Variants in PROM2 observed in about 807,000 individuals in gnomAD.
The protein encoded by PROM2 is prominin-2.
Under a neutral mutation model 110.2 loss-of-function variants are expected in PROM2, and 90 were observed. The ratio of observed to expected loss-of-function variants is 0.82; its 90% CI spans 0.69 to 0.97. The LOEUF is 0.97. Among genes scored for constraint, PROM2 ranks in the 50% least tolerant of loss-of-function variants. PROM2 has a pLI of 0.00. For synonymous variants in PROM2, 470 were observed against 467.8 expected (o/e 1.00, Z -0.06); for missense variants, 1,009 against 1,074.8 (o/e 0.94, Z 0.86).
At position 95,287,134 on chromosome 2, in the gene PROM2, T is replaced by C; in HGVS notation, c.2096T>C (p.Leu699Pro). Residue 699 changes from leucine to proline, a missense_variant and splice_region_variant, in exon 19 of 24, where the codon CTG becomes CCG. By Grantham distance (98) the Leu-to-Pro change is moderately conservative (BLOSUM62 -3). Transcript: ENST00000317620. ...ALESSAPNLQ[L>P]ETSDVLANVT... is the part of the protein sequence containing the mutation. ...AGTTGAGGCTCTCGTCCCCTCCAGC[T>C]GGAGACCTCAGATGTCCTAGCCAAT... The C allele has an allele frequency of 1.2e-6, 2 of 1,613,848 alleles. No homozygotes were observed. Among genetic ancestry groups the C allele is most frequent in the South Asian group, 2.2e-5 (2 of 91,072 alleles).
chr2:95,275,372 A>T lies in PROM2; in HGVS notation c.245-89A>T, dbSNP rs1434703766. 1 of 1,309,598 alleles carries T rather than the reference A, an allele frequency of 7.6e-7. No homozygotes were observed. The highest frequency in any genetic ancestry group is 1.1e-6 in the Non-Finnish European group (1 of 937,792). 81.1% of individuals were successfully genotyped at this position (1,309,598 alleles called of 1,614,324 possible). On this transcript the variant is annotated intron_variant, in intron 1 of 23. Coordinates refer to ENST00000317620, the MANE Select transcript of PROM2 (RefSeq NM_001165978.3). The surrounding 1 kb of genome is among the most constrained non-coding windows in gnomAD (Gnocchi z 4.4). Reference sequence around the variant, plus strand: ...GGTGGTGGCAGGAGCCCTGCCTCAGAGCCACTTTGCCCTGGCAGTGGGGAG... The same window carrying T: ...GGTGGTGGCAGGAGCCCTGCCTCAGTGCCACTTTGCCCTGGCAGTGGGGAG...
At chr2:95,287,357 T>C (rs1309114255) in intron 19 of PROM2, 39 bp from the exon 20 acceptor site, 1 of 1,611,524 alleles carries the variant, frequency 6.2e-7, no homozygotes, top group African/African-American at 1.3e-5. Context: ...CTGCTGCTTC[T>C]GGGACCCCTA....
intron 11 of PROM2, 44 bp from the exon 12 acceptor site, chr2:95,281,198 G>C: frequency 6.2e-7 from 1 of 1,601,606 alleles, no homozygotes; most frequent in Non-Finnish European, 8.5e-7. Context: ...GGTCAGGGCA[G>C]CCAGTCCCTG....
rs370354031 is a variant in PROM2 at position 95,275,405 on chromosome 2, A to T, written c.245-56A>T. The T allele has an allele frequency of 1.1e-4, 171 of 1,532,448 alleles. No individual in the cohort carries two copies. The highest frequency in any genetic ancestry group is 1.5e-4 in the Non-Finnish European group (167 of 1,124,340). The allele number at this position is 1,532,448 out of a possible 1,614,324, so 94.9% of individuals were successfully genotyped here. A position where few individuals can be genotyped will look rare whatever the true frequency, so the allele number is the denominator to read the frequency against. On this transcript the variant is annotated intron_variant, in intron 1 of 23. Coordinates refer to ENST00000317620, the MANE Select transcript of PROM2 (RefSeq NM_001165978.3). This position sits in a 1 kb window ranked among gnomAD's most constrained non-coding sequence, Gnocchi z 4.4. Reference sequence around the variant, plus strand: ...TGCCCTGGCAGTGGGGAGAGGAGGGACACAGGGGCAGGGCAGTGGCTGTCC... The same window carrying T: ...TGCCCTGGCAGTGGGGAGAGGAGGGTCACAGGGGCAGGGCAGTGGCTGTCC...
chr2:95,284,811 C>T (rs1677248729), intron 14 of PROM2, among the ~76,000 whole-genome samples, 158 bp from the exon 15 acceptor site: 4 of 152,232 alleles, frequency 2.6e-5, no homozygotes, highest in Non-Finnish European at 5.9e-5. Context: ...ACCAGGCCCA[C>T]CTTCACCCCC....
intron 11 of PROM2, 116 bp from the exon 12 acceptor site, chr2:95,281,124 GCT>G: frequency 7.3e-7 from 1 of 1,378,758 alleles, no homozygotes; most frequent in Non-Finnish European, 9.8e-7. Flanking sequence ...TCCTCTAAAG[GCT>G]CTGTGCTGGG....
intron 6 of PROM2, 45 bp from the exon 7 acceptor site, chr2:95,277,319 G>A: frequency 6.4e-7 from 1 of 1,554,532 alleles, no homozygotes; most frequent in Non-Finnish European, 8.7e-7. Context: ...GGCGTCTGGG[G>A]ATGCATATGG....
At position 95,274,614 on chromosome 2, in the gene PROM2, C is replaced by T. The variant is rs1462494395; in HGVS notation, c.29C>T (p.Pro10Leu). The change falls in exon 1 of 24, where the codon CCC (proline) becomes CTC (leucine). Residue 10 changes from proline to leucine, a missense_variant. By Grantham distance (98) the Pro-to-Leu change is moderately conservative (BLOSUM62 -3). Coordinates refer to ENST00000317620, the MANE Select transcript of PROM2 (RefSeq NM_001165978.3). Reference sequence around the variant, plus strand: ...AAGCACACACTGGCTCTGCTGGCTCCCCTGCTGGGCCTGGGCCTGGGGCTG... The same window carrying T: ...AAGCACACACTGGCTCTGCTGGCTCTCCTGCTGGGCCTGGGCCTGGGGCTG... MKHTLALLAPLLGLGLGLAL... is the reference protein window; with the variant it reads MKHTLALLALLLGLGLGLAL... 1.2e-6 allele frequency: 2 copies of T among 1,600,022 alleles called. No homozygotes were observed. The highest frequency in any genetic ancestry group is 1.7e-5 in the Admixed American group (1 of 59,278).
At position 95,276,441 on chromosome 2, in the gene PROM2, C is replaced by T. The variant is rs1676667312; in HGVS notation, c.618+94C>T. ...TGGGCCCTCGATGGCCCATAACCAG[C>T]GCATCTGAAAGCCGCCTCCTCTCCC... is the stretch of plus-strand genomic sequence containing the variant. On this transcript the variant is annotated intron_variant, in intron 4 of 23. Coordinates refer to ENST00000317620, the MANE Select transcript of PROM2 (RefSeq NM_001165978.3). The surrounding 1 kb of genome is among the most constrained non-coding windows in gnomAD (Gnocchi z 4.6). 1.1e-5 allele frequency: 18 copies of T among 1,591,620 alleles called. No homozygotes were observed. Among genetic ancestry groups the T allele is most frequent in the South Asian group, 3.4e-5 (3 of 88,216 alleles).
At chr2:95,278,125 C>T (rs1490008093) in intron 8 of PROM2, 121 bp downstream of exon 8, 2 of 789,614 alleles carry the variant, frequency 2.5e-6, no homozygotes, top group Non-Finnish European at 4.2e-6. Context: ...CCACACAGCA[C>T]CCTGGGCAGG....
chr2:95,280,949 G>A (rs1209047624), intron 11 of PROM2, among the ~76,000 whole-genome samples: 10 of 152,180 alleles, frequency 6.6e-5, no homozygotes, highest in South Asian at 2.1e-4. Flanking sequence ...GTGTGAGCCC[G>A]GATAGTCCTG....
At position 95,286,847 on chromosome 2, in the gene PROM2, C is replaced by G. The variant is rs757571776; in HGVS notation, c.2084C>G (p.Pro695Arg). The change falls in exon 18 of 24, where the codon CCG becomes CGG. Residue 695 changes from proline (P) to arginine (R), a missense_variant. Coordinates refer to ENST00000317620, the MANE Select transcript of PROM2 (RefSeq NM_001165978.3). ...GTCAGGGCCCTGGAGTCCTCTGCCC[C>G]GAATCTCCAGGTGGCTGCTGTTGGT... Reference protein sequence around the residue: ...LSVRALESSAPNLQLETSDVL... With the variant: ...LSVRALESSARNLQLETSDVL... 5 of 1,613,820 alleles carry G rather than the reference C, an allele frequency of 3.1e-6. No individual in the cohort carries two copies. The highest frequency in any genetic ancestry group is 1.3e-5 in the African/African-American group (1 of 75,008).
At position 95,275,470 on chromosome 2, in the gene PROM2, A is replaced by G. The variant is rs1676591468; in HGVS notation, c.254A>G (p.Lys85Arg). ...QLNPFPSELV[K>R]ALLNELASVK... ...TGGCTCTTTCCCATAGAGTTGGTAA[A>G]GGCCCTACTGAATGAGCTGGCCTCC... The change falls in exon 2 of 24, where the codon AAG becomes AGG. Residue 85 changes from lysine (K) to arginine (R), a missense_variant. Transcript: ENST00000317620. This position sits in a 1 kb window ranked among gnomAD's most constrained non-coding sequence, Gnocchi z 4.4. 2 of 1,613,326 alleles carry G rather than the reference A, an allele frequency of 1.2e-6. No individual in the cohort carries two copies. The highest frequency in any genetic ancestry group is 1.7e-6 in the Non-Finnish European group (2 of 1,179,582).
At position 95,274,746 on chromosome 2, in the gene PROM2, T is replaced by C; in HGVS notation, c.161T>C (p.Val54Ala). Residue 54 changes from valine (V) to alanine (A), a missense_variant, in exon 1 of 24, where the codon GTT becomes GCT. Coordinates refer to ENST00000317620, the MANE Select transcript of PROM2 (RefSeq NM_001165978.3). ...AARARWLAPR[V>A]RAPGLLDSLY... ...AGGGCCCGGTGGCTGGCCCCTCGAG[T>C]TCGTGCGCCAGGACTCCTGGACTCC... The C allele has an allele frequency of 1.2e-6, 2 of 1,610,788 alleles. No individual in the cohort carries two copies. The highest frequency in any genetic ancestry group is 1.7e-4 in the Middle Eastern group (1 of 6,056).
chr2:95,280,418 C>T (rs1676980833), intron 11 of PROM2, among the ~76,000 whole-genome samples: 1 of 152,222 alleles, frequency 6.6e-6, no homozygotes, highest in Non-Finnish European at 1.5e-5. Flanking sequence ...GTTTTACTTT[C>T]CAAGCCTCAC....
In PROM2 at chr2:95,287,202, A is replaced by T. The variant is rs141753249; in HGVS notation, c.2164A>T (p.Ile722Phe). The T allele has an allele frequency of 5.5e-5, 88 of 1,613,688 alleles. 2 individuals carry two copies. Among genetic ancestry groups the T allele is most frequent in the Middle Eastern group, 1.6e-4 (1 of 6,084 alleles). The change falls in exon 19 of 24, where the codon ATC becomes TTC. Residue 722 changes from isoleucine to phenylalanine, a missense_variant. By Grantham distance (21) the Ile-to-Phe change is conservative. Transcript: ENST00000317620. ...KGELPAWAAR[I>F]LRNVSECFLA... ...AGAGCTGCCTGCCTGGGCAGCCAGG[A>T]TCCTGAGGAATGTGAGTGGTGGGTG...
chr2:95,284,892 C>T, intron 14 of PROM2, 77 bp from the exon 15 acceptor site: 1 of 1,469,396 alleles, frequency 6.8e-7, no homozygotes, highest in Non-Finnish European at 9.2e-7. Flanking sequence ...CCTGGTGACC[C>T]CTGTGCTTAG....
At position 95,285,690 on chromosome 2, in the gene PROM2, C is replaced by G; in HGVS notation, c.1927C>G (p.Gln643Glu). The change falls in exon 16 of 24, where the codon CAA becomes GAA. Residue 643 changes from glutamine to glutamate, a missense_variant. Coordinates refer to ENST00000317620, the MANE Select transcript of PROM2 (RefSeq NM_001165978.3). ...TSMEQLAQELQGLAQAQDNSV... is the reference protein window; with the variant it reads ...TSMEQLAQELEGLAQAQDNSV... ...CATGGAGCAGCTGGCCCAGGAGCTG[C>G]AAGGACTGGCCCAGGCCCAAGTGAG... 1.2e-6 allele frequency: 2 copies of G among 1,603,144 alleles called. No individual in the cohort carries two copies. The highest frequency in any genetic ancestry group is 1.7e-6 in the Non-Finnish European group (2 of 1,174,616).
chr2:95,280,396 A>G (rs1291714561), intron 11 of PROM2, among the ~76,000 whole-genome samples: 1 of 152,198 alleles, frequency 6.6e-6, no homozygotes. Flanking sequence ...TGGGGGCTGA[A>G]ATCCACCCCA....
Sources: allele counts gnomAD v4.1 joint callset (sites outside exome capture counted in the v4.1 genomes callset), GRCh38; gene constraint gnomAD v4.1.1; non-coding constraint Gnocchi (gnomAD v3.1); transcripts MANE v1.5; gene names NCBI Gene and HGNC (gene_info 2026-07-23, HGNC 2026-07-21).